Variants in PXDNL observed in about 807,000 individuals in gnomAD.
PXDNL encodes the protein probable oxidoreductase PXDNL.
Under a neutral mutation model 150.8 loss-of-function variants are expected in PXDNL, and 145 were observed. That is an observed-to-expected ratio of 0.96 (90% CI 0.84 to 1.10). PXDNL has a LOEUF of 1.10. Ranked by LOEUF, PXDNL falls within the 50% of genes least tolerant of loss-of-function variation. The probability of loss-of-function intolerance (pLI) is 0.00; values close to 1 mark genes in which losing one functional copy is unlikely to be tolerated. For synonymous variants in PXDNL, 757 were observed against 725.7 expected (o/e 1.04, Z -0.69); for missense variants, 2,087 against 1,873.9 (o/e 1.11, Z -2.10).
At chr8:51,486,750 TTATATATATATATATATATATATATATA>T (rs1174441907) in intron 5 of PXDNL, among the ~76,000 whole-genome samples, 3 of 36,336 alleles carry the variant, frequency 8.3e-5, no homozygotes, top group African/African-American at 2.2e-4. Flanking sequence ...GTTAAAAAGT[TTATATATATATATATATATATATATATA>T]TATATATATA....
At position 51,613,491 on chromosome 8, in the gene PXDNL, G is replaced by GA. The variant is rs62818461; in HGVS notation, c.237-20794_237-20793insT. Among the ~76,000 whole-genome samples the GA allele has an allele frequency of 7.8e-3, 300 of 38,540 alleles. 2 individuals are homozygous for GA. Among genetic ancestry groups the GA allele is most frequent in the Middle Eastern group, 0.022 (1 of 46 alleles). 25.3% of individuals were successfully genotyped at this position (38,540 alleles called of 152,430 possible). The stretch of plus-strand genomic sequence containing the variant: ...CCTCACAGCTTAAGGGGGCGGGGGG[G>GA]GGGCAGGGCGGCAGAGGGGGAAGAC... On this transcript the variant is annotated intron_variant, in intron 2 of 22. Coordinates refer to ENST00000356297, the MANE Select transcript of PXDNL (RefSeq NM_144651.5).
At chr8:51,331,770 G>A (rs1380752998) in intron 21 of PXDNL, among the ~76,000 whole-genome samples, 1 of 151,942 alleles carries the variant, frequency 6.6e-6, no homozygotes, top group African/African-American at 2.4e-5. Flanking sequence ...ATCCTCCTAG[G>A]TACTAGGTAC....
chr8:51,724,819 G>T (rs1273905735), intron 1 of PXDNL, among the ~76,000 whole-genome samples: 3 of 152,074 alleles, frequency 2.0e-5, no homozygotes, highest in African/African-American at 7.3e-5. Flanking sequence ...TGAGTGCCAT[G>T]AACTCTATTG....
chr8:51,696,942 T>C (rs1816161947), intron 1 of PXDNL, among the ~76,000 whole-genome samples: 1 of 81,172 alleles, frequency 1.2e-5, no homozygotes, highest in Non-Finnish European at 2.8e-5. Context: ...CAGAAACCAA[T>C]AAACACTAAT....
At chr8:51,380,170 A>G (rs1339670097) in intron 17 of PXDNL, among the ~76,000 whole-genome samples, 1 of 152,152 alleles carries the variant, frequency 6.6e-6, no homozygotes, top group Non-Finnish European at 1.5e-5. Flanking sequence ...ATTTTAAGAA[A>G]GTCTATGAAT....
At chr8:51,707,391 G>T (rs1288541338) in intron 1 of PXDNL, among the ~76,000 whole-genome samples, 1 of 151,836 alleles carries the variant, frequency 6.6e-6, no homozygotes, top group Non-Finnish European at 1.5e-5. Context: ...ATATTTTGAT[G>T]AGTTTGGACA....
At chr8:51,499,150 G>C (rs180832769) in intron 5 of PXDNL, among the ~76,000 whole-genome samples, 20 of 152,280 alleles carry the variant, frequency 1.3e-4, no homozygotes, top group Admixed American at 1.2e-3. Context: ...TTGTTTTTGA[G>C]ATGGAGTCTC....
At chr8:51,803,960 G>T (rs375969721) in intron 1 of PXDNL, among the ~76,000 whole-genome samples, 17 of 152,280 alleles carry the variant, frequency 1.1e-4, no homozygotes, top group African/African-American at 4.1e-4. Flanking sequence ...ATTCAACAAT[G>T]TATGAACCTC....
chr8:51,481,431 C>T (rs1810601490), intron 6 of PXDNL, among the ~76,000 whole-genome samples: 1 of 152,156 alleles, frequency 6.6e-6, no homozygotes, highest in East Asian at 1.9e-4. Flanking sequence ...AAATTTGCAG[C>T]CTCATGATGC....
Position 51,639,758 on chromosome 8 carries a change from G to A in PXDNL, c.236+14931C>T, listed in dbSNP as rs370601503. ...TCCAGGACCAGATGGATTCACAGCC[G>A]AATTCTACCAGAGGTACAAGGAGGA... On this transcript the variant is annotated intron_variant, in intron 2 of 22. Coordinates refer to ENST00000356297, the MANE Select transcript of PXDNL (RefSeq NM_144651.5). Among the ~76,000 whole-genome samples the A allele has an allele frequency of 3.3e-5, 5 of 152,120 alleles. No individual in the cohort carries two copies. The South Asian group carries it at 8.3e-4, about 25-fold the overall frequency.
intron 1 of PXDNL, among the ~76,000 whole-genome samples, chr8:51,800,906 A>C (rs1421146620): frequency 6.6e-6 from 1 of 152,206 alleles, no homozygotes; most frequent in African/African-American, 2.4e-5. Flanking sequence ...CTGATTGTAA[A>C]ACACGGGTGT....
intron 2 of PXDNL, among the ~76,000 whole-genome samples, chr8:51,651,263 A>G (rs1055730103): frequency 6.6e-6 from 1 of 152,238 alleles, no homozygotes; most frequent in African/African-American, 2.4e-5. Context: ...CGGCCAAATT[A>G]GAATAAACAC....
chr8:51,669,712 C>T (rs1029276156), intron 1 of PXDNL, among the ~76,000 whole-genome samples: 7 of 152,136 alleles, frequency 4.6e-5, no homozygotes, highest in Non-Finnish European at 1.0e-4. Context: ...AGCAAAATGT[C>T]CATGCTGGGC....
intron 2 of PXDNL, among the ~76,000 whole-genome samples, chr8:51,607,963 G>C (rs1184901374): frequency 2.2e-5 from 3 of 136,992 alleles, no homozygotes; most frequent in Non-Finnish European, 4.6e-5. Context: ...AAGAAATAAA[G>C]AGAAAGAAAG....
intron 2 of PXDNL, among the ~76,000 whole-genome samples, chr8:51,610,443 C>T (rs1478206042): frequency 6.6e-6 from 1 of 152,064 alleles, no homozygotes; most frequent in Non-Finnish European, 1.5e-5. Flanking sequence ...TCAGGACTAC[C>T]AGTATTAATA....
At chr8:51,402,062 T>C (rs907096354) in intron 17 of PXDNL, among the ~76,000 whole-genome samples, 1 of 152,198 alleles carries the variant, frequency 6.6e-6, no homozygotes, top group African/African-American at 2.4e-5. Context: ...ATGCAAGTTT[T>C]TGGGAAGGAA....
chr8:51,404,013 G>A (rs544821369), intron 17 of PXDNL, among the ~76,000 whole-genome samples: 1 of 152,318 alleles, frequency 6.6e-6, no homozygotes, highest in East Asian at 1.9e-4. Context: ...TTCGCAGTGA[G>A]TGTTACAGCT....
At chr8:51,740,543 A>G (rs960239818) in intron 1 of PXDNL, among the ~76,000 whole-genome samples, 6 of 152,190 alleles carry the variant, frequency 3.9e-5, no homozygotes, top group African/African-American at 1.2e-4. Context: ...ATGAGATGGT[A>G]TCTCATTGCG....
At chr8:51,440,339 G>A (rs1342243961) in intron 12 of PXDNL, among the ~76,000 whole-genome samples, 1 of 151,916 alleles carries the variant, frequency 6.6e-6, no homozygotes, top group Non-Finnish European at 1.5e-5. Context: ...TACACTGCTT[G>A]GGTAATGGGT....
Sources: allele counts gnomAD v4.1 joint callset (sites outside exome capture counted in the v4.1 genomes callset), GRCh38; gene constraint gnomAD v4.1.1; transcripts MANE v1.5; gene names NCBI Gene and HGNC (gene_info 2026-07-23, HGNC 2026-07-21).